Variants in GABBR2 observed in about 807,000 individuals in gnomAD.
GABBR2 encodes G-protein coupled receptor 51.
In GABBR2, 23 loss-of-function variants were observed where a neutral mutation model predicts 105.6. The observed-to-expected ratio is 0.22, with a 90% CI of 0.16 to 0.31. The LOEUF is 0.31. GABBR2 is among the 10% of genes least tolerant of loss of function. The probability of loss-of-function intolerance (pLI) is 1.00; values close to 1 mark genes in which losing one functional copy is unlikely to be tolerated. For synonymous variants in GABBR2, 478 were observed against 499.7 expected (o/e 0.96, Z 0.58); for missense variants, 734 against 1,245.5 (o/e 0.59, Z 6.18).
At chr9:98,626,728 C>T (rs1468423882) in intron 1 of GABBR2, among the ~76,000 whole-genome samples, 1 of 152,150 alleles carries the variant, frequency 6.6e-6, no homozygotes, top group Non-Finnish European at 1.5e-5. Context: ...TGAAGCAACA[C>T]CAAGCATTTG....
chr9:98,570,546 C>T (rs1482405800), intron 2 of GABBR2, among the ~76,000 whole-genome samples: 1 of 152,186 alleles, frequency 6.6e-6, no homozygotes, highest in Non-Finnish European at 1.5e-5. Context: ...TCTCTTGGAC[C>T]TTTCCCATGC....
chr9:98,567,690 C>A (rs965277431), intron 2 of GABBR2, among the ~76,000 whole-genome samples: 2 of 152,176 alleles, frequency 1.3e-5, no homozygotes, highest in African/African-American at 4.8e-5. Flanking sequence ...CTCTCAATAG[C>A]CCCAGAAGGG....
chr9:98,565,835 G>A (rs113559077), intron 2 of GABBR2, among the ~76,000 whole-genome samples: 1,643 of 152,256 alleles, frequency 0.011, 25 homozygotes, highest in African/African-American at 0.037. Context: ...ACGCGTACCC[G>A]GTATTATTGG....
intron 1 of GABBR2, among the ~76,000 whole-genome samples, chr9:98,601,988 C>A (rs1007267579): frequency 1.3e-5 from 2 of 152,070 alleles, no homozygotes; most frequent in African/African-American, 2.4e-5. Flanking sequence ...TTTACTTGAA[C>A]GGCTCTTTAT....
intron 3 of GABBR2, among the ~76,000 whole-genome samples, chr9:98,513,615 T>G (rs1827698537): frequency 6.6e-6 from 1 of 150,920 alleles, no homozygotes; most frequent in South Asian, 2.1e-4. Flanking sequence ...CAGACACTTC[T>G]CAAAAGAAGA....
rs1441348656 is a variant in GABBR2 at position 98,299,215 on chromosome 9, C to T, written c.2542+9G>A. 2.5e-6 allele frequency: 4 copies of T among 1,613,178 alleles called. No homozygotes were observed. Among genetic ancestry groups the T allele is most frequent in the Non-Finnish European group, 3.4e-6 (4 of 1,179,454 alleles). ...TCCCTACCACATTCTGGGGCCCTGG[C>T]TCTCTTACCTGTGCTCTCAGTGAAG... is the stretch of plus-strand genomic sequence containing the variant. On this transcript the variant is annotated intron_variant, in intron 17 of 18. Transcript: ENST00000259455.
chr9:98,640,738 G>T (rs1309210804), intron 1 of GABBR2, among the ~76,000 whole-genome samples: 2 of 152,164 alleles, frequency 1.3e-5, no homozygotes, highest in East Asian at 3.9e-4. Flanking sequence ...CATGGAGGAG[G>T]TTCCTTCTGA....
chr9:98,634,806 G>A (rs1342970551), intron 1 of GABBR2, among the ~76,000 whole-genome samples: 1 of 152,172 alleles, frequency 6.6e-6, no homozygotes, highest in Non-Finnish European at 1.5e-5. Context: ...CCTAACGAGT[G>A]ATCCTTGGAA....
chr9:98,464,567 G>A (rs1396087829), intron 6 of GABBR2, among the ~76,000 whole-genome samples: 1 of 152,088 alleles, frequency 6.6e-6, no homozygotes, highest in African/African-American at 2.4e-5. Flanking sequence ...TGGGAAGTGA[G>A]GAGTGCCTCT....
At chr9:98,625,729 A>T (rs1376376872) in intron 1 of GABBR2, among the ~76,000 whole-genome samples, 9 of 152,200 alleles carry the variant, frequency 5.9e-5, no homozygotes, top group Non-Finnish European at 1.0e-4. Flanking sequence ...AGATGAATCA[A>T]ATCCATATTC....
intron 2 of GABBR2, among the ~76,000 whole-genome samples, chr9:98,563,576 A>C (rs1048972222): frequency 1.3e-5 from 2 of 152,186 alleles, no homozygotes; most frequent in African/African-American, 4.8e-5. Flanking sequence ...CTCAGAAGAC[A>C]CCCCGGATGT....
Position 98,296,012 on chromosome 9 carries a change from C to A in GABBR2, c.2543-2110G>T, listed in dbSNP as rs10985772. On this transcript the variant is annotated intron_variant, in intron 17 of 18. Coordinates refer to ENST00000259455, the MANE Select transcript of GABBR2 (RefSeq NM_005458.8). ...TACAGAAAGAACATAACTACCGCTA[C>A]GGTGAATCAGCAGAATCGACTGTAT... Among the ~76,000 whole-genome samples the A allele has an allele frequency of 2.3e-3, 346 of 152,228 alleles. 3 individuals are homozygous for A. The highest frequency in any genetic ancestry group is 8.1e-3 in the African/African-American group (337 of 41,530).
At chr9:98,496,372 G>C (rs1827279330) in intron 4 of GABBR2, 41 bp downstream of exon 4, 1 of 1,258,522 alleles carries the variant, frequency 7.9e-7, no homozygotes, top group African/African-American at 1.5e-5. Context: ...CCAGGGCATT[G>C]AGATCAGTCT....
intron 1 of GABBR2, among the ~76,000 whole-genome samples, chr9:98,646,237 G>C (rs1285549068): frequency 6.6e-6 from 1 of 152,166 alleles, no homozygotes; most frequent in East Asian, 1.9e-4. Context: ...CTAAACACCT[G>C]CTTTCCTTCT....
chr9:98,687,638 G>C (rs746089473), intron 1 of GABBR2, among the ~76,000 whole-genome samples: 1 of 152,168 alleles, frequency 6.6e-6, no homozygotes. Context: ...CCCAGCCCCC[G>C]CTGTGTTCTC....
chr9:98,438,076 CCA>C (rs1825959510), intron 7 of GABBR2, among the ~76,000 whole-genome samples: 1 of 122,106 alleles, frequency 8.2e-6, no homozygotes, highest in East Asian at 2.7e-4. Flanking sequence ...ATCCACCTGT[CCA>C]CACATCTATC....
rs1197655789 is a variant in GABBR2, at chr9:98,341,330, G to C, written c.1893+21385C>G. On this transcript the variant is annotated intron_variant, in intron 13 of 18. Coordinates refer to ENST00000259455, the MANE Select transcript of GABBR2 (RefSeq NM_005458.8). Reference sequence around the variant, plus strand: ...CCATGCCAGAAGGCACGTGGCTGTGGACACCCTTAAAATGTCTCTCTGGCA... The same window carrying C: ...CCATGCCAGAAGGCACGTGGCTGTGCACACCCTTAAAATGTCTCTCTGGCA... Among the ~76,000 whole-genome samples the C allele has an allele frequency of 2.0e-5, 3 of 152,206 alleles. No homozygotes were observed. In the East Asian group the frequency reaches 5.8e-4, roughly 29 times the overall value.
At chr9:98,465,144 A>AAAAAAAAAAAAAAAAAAAAAAAAAAT (rs1826522093) in intron 6 of GABBR2, among the ~76,000 whole-genome samples, 1 of 149,518 alleles carries the variant, frequency 6.7e-6, no homozygotes, top group Non-Finnish European at 1.5e-5. Flanking sequence ...AAAAAAAAAA[A>AAAAAAAAAAAAAAAAAAAAAAAAAAT]AAAGAAAAAT....
intron 1 of GABBR2, among the ~76,000 whole-genome samples, chr9:98,650,056 T>C (rs966292070): frequency 6.6e-6 from 1 of 152,240 alleles, no homozygotes; most frequent in African/African-American, 2.4e-5. Context: ...ACAAGATATG[T>C]TACTCATTTG....
Sources: gnomAD v4.1 joint callset for allele counts (sites outside exome capture counted in the v4.1 genomes callset) on GRCh38, gnomAD v4.1.1 for gene constraint, MANE v1.5 for transcripts, NCBI Gene and HGNC (gene_info 2026-07-23, HGNC 2026-07-21) for gene names.